The following TCF7L1 variants were observed in gnomAD, a reference collection of about 807,000 sequenced individuals.
TCF7L1 encodes the protein transcription factor 7-like 1.
TCF7L1 carries 18 observed loss-of-function variants against 63.7 expected under a neutral mutation model. That is an observed-to-expected ratio of 0.28 (90% CI 0.20 to 0.42). The LOEUF (loss-of-function observed/expected upper bound fraction) is 0.42. TCF7L1 is among the 10% of genes least tolerant of loss of function. The pLI is 1.00. For missense variants in TCF7L1, 654 were observed against 779.3 expected (o/e 0.84, Z 1.91); for synonymous variants, 355 against 340.9 (o/e 1.04, Z -0.46).
chr2:85,134,196 T>C lies in TCF7L1; in HGVS notation c.313+117T>C. 2.7e-6 allele frequency: 4 copies of C among 1,493,838 alleles called. No homozygotes were observed. The highest frequency in any genetic ancestry group is 2.7e-6 in the Non-Finnish European group (3 of 1,118,250). The allele number at this position is 1,493,838 out of a possible 1,614,324, so 92.5% of individuals were successfully genotyped here. A position where few individuals can be genotyped will look rare whatever the true frequency, so the allele number is the denominator to read the frequency against. Reference sequence around the variant, plus strand: ...GACGCACCCTTGCCCTCCGCCTTTATTGGCGGCAGCCCCCGTGGGGCGCGC... The same window carrying C: ...GACGCACCCTTGCCCTCCGCCTTTACTGGCGGCAGCCCCCGTGGGGCGCGC... On this transcript the variant is annotated intron_variant, in intron 2 of 11. Coordinates refer to ENST00000282111, the MANE Select transcript of TCF7L1 (RefSeq NM_031283.3). This position sits in a 1 kb window ranked among gnomAD's most constrained non-coding sequence, Gnocchi z 5.0.
intron 3 of TCF7L1, among the ~76,000 whole-genome samples, chr2:85,166,494 T>G (rs1012236169): frequency 6.6e-6 from 1 of 152,204 alleles, no homozygotes; most frequent in African/African-American, 2.4e-5. Flanking sequence ...ATGCCCTGAC[T>G]AGACCTGGGT....
In TCF7L1 at chr2:85,133,718, G is replaced by A. The variant is rs534725385; in HGVS notation, c.34G>A (p.Gly12Ser). ...PQLGGGGGGG[G>S]GGSGGGGGSS... ...GCTCGGCGGCGGGGGCGGCGGCGGC[G>A]GCGGCGGCAGCGGGGGAGGCGGCGG... Residue 12 changes from glycine (G) to serine (S), a missense_variant, in exon 1 of 12, where the codon GGC becomes AGC. Gly to Ser is a moderately conservative substitution (Grantham distance 56). This residue lies in a region of TCF7L1 where 404 missense variants were observed against 454.8 expected (regional missense o/e 0.89). Coordinates refer to ENST00000282111, the MANE Select transcript of TCF7L1 (RefSeq NM_031283.3). This position sits in a 1 kb window ranked among gnomAD's most constrained non-coding sequence, Gnocchi z 4.4. 7.9e-3 allele frequency: 9,143 copies of A among 1,154,898 alleles called. 94 individuals carry two copies. Among genetic ancestry groups the A allele is most frequent in the Non-Finnish European group, 7.6e-3 (7,163 of 939,650 alleles). 71.5% of individuals were successfully genotyped at this position (1,154,898 alleles called of 1,614,324 possible).
chr2:85,306,467 C>T lies in TCF7L1; in HGVS notation c.1165C>T (p.Arg389Ter). 1 of 1,614,132 alleles carries T rather than the reference C, an allele frequency of 6.2e-7. No individual in the cohort carries two copies. Among genetic ancestry groups the T allele is most frequent in the Non-Finnish European group, 8.5e-7 (1 of 1,180,030 alleles). ...ILGRKWHNLS[R>*]EEQAKYYELA... ...TCTCCCCCAGTGGCACAACCTGTCT[C>T]GAGAAGAACAGGCCAAGTACTACGA... is the stretch of plus-strand genomic sequence containing the variant. Residue 389 changes from arginine to a stop codon, truncating the protein, a stop_gained, in exon 10 of 12, where the codon CGA becomes TGA. Coordinates refer to ENST00000282111, the MANE Select transcript of TCF7L1 (RefSeq NM_031283.3). LOFTEE classifies it high-confidence loss of function. The surrounding 1 kb of genome is among the most constrained non-coding windows in gnomAD (Gnocchi z 4.3).
chr2:85,234,960 TC>T (rs1680161860), intron 3 of TCF7L1, among the ~76,000 whole-genome samples: 1 of 152,130 alleles, frequency 6.6e-6, no homozygotes, highest in African/African-American at 2.4e-5. Flanking sequence ...TCTGGATAAT[TC>T]CCCAACTACC....
At chr2:85,175,653 T>C (rs1245747727) in intron 3 of TCF7L1, among the ~76,000 whole-genome samples, 2 of 152,260 alleles carry the variant, frequency 1.3e-5, no homozygotes, top group African/African-American at 4.8e-5. Flanking sequence ...TTGAATTTTT[T>C]CACTGTCGCT....
At position 85,307,722 on chromosome 2, in the gene TCF7L1, GTCTCGGGGCACTGGCC is replaced by G; in HGVS notation, c.1333+9_1333+24del. 6.2e-7 allele frequency: 1 copy of G among 1,612,934 alleles called. No homozygotes were observed. Among genetic ancestry groups the G allele is most frequent in the Non-Finnish European group, 8.5e-7 (1 of 1,179,604 alleles). On this transcript the variant is annotated splice_donor_region_variant and intron_variant, in intron 11 of 11. Transcript: ENST00000282111. ...AGCAAGTCCAGGAGGCAGAGGGTGC[GTCTCGGGGCACTGGCC>G]TCTTCTCCTGCTTTTCCTTTTGTCA...
intron 4 of TCF7L1, among the ~76,000 whole-genome samples, chr2:85,288,579 G>A (rs907662845): frequency 3.3e-5 from 5 of 152,182 alleles, no homozygotes; most frequent in East Asian, 1.9e-4. Context: ...TAGAGCAAGC[G>A]AAGGAAACAG....
At chr2:85,214,734 A>G (rs988546378) in intron 3 of TCF7L1, among the ~76,000 whole-genome samples, 2 of 152,186 alleles carry the variant, frequency 1.3e-5, no homozygotes, top group African/African-American at 4.8e-5. Flanking sequence ...AATCGCTCTG[A>G]ACCTATTCTG....
chr2:85,286,774 C>T (rs971149817), intron 4 of TCF7L1, among the ~76,000 whole-genome samples: 5 of 152,136 alleles, frequency 3.3e-5, no homozygotes, highest in African/African-American at 1.2e-4. Flanking sequence ...GGATTACAGG[C>T]GTGAGCCACT....
chr2:85,301,466 G>A (rs1681971564), intron 4 of TCF7L1, among the ~76,000 whole-genome samples: 1 of 152,236 alleles, frequency 6.6e-6, no homozygotes. Flanking sequence ...GGATAAGTCA[G>A]ATTAGGTTTA....
intron 3 of TCF7L1, among the ~76,000 whole-genome samples, chr2:85,278,352 G>A (rs956607188): frequency 6.6e-6 from 1 of 152,216 alleles, no homozygotes; most frequent in Non-Finnish European, 1.5e-5. Flanking sequence ...ACTCGATAAA[G>A]ATGTCACCCA....
rs569630785 is a variant in TCF7L1, at chr2:85,152,876, A to G, written c.441+18426A>G. ...ATGCTTATATTTTACTCTTTCAACA[A>G]AAAATAAGCATATATATATTTCTAC... On this transcript the variant is annotated intron_variant, in intron 3 of 11. Coordinates refer to ENST00000282111, the MANE Select transcript of TCF7L1 (RefSeq NM_031283.3). Among the ~76,000 whole-genome samples the G allele has an allele frequency of 4.6e-5, 7 of 152,358 alleles. No individual in the cohort carries two copies. In the South Asian group the frequency reaches 1.4e-3, roughly 32 times the overall value.
At chr2:85,200,115 G>A (rs185175370) in intron 3 of TCF7L1, among the ~76,000 whole-genome samples, 2 of 152,104 alleles carry the variant, frequency 1.3e-5, no homozygotes, top group Admixed American at 6.5e-5. Flanking sequence ...ATATCCCATC[G>A]TGTGGATATC....
chr2:85,244,269 T>C (rs1437801625), intron 3 of TCF7L1, among the ~76,000 whole-genome samples: 1 of 152,044 alleles, frequency 6.6e-6, no homozygotes, highest in East Asian at 1.9e-4. Flanking sequence ...TTGACTGAGA[T>C]GGGGAGTAGA....
At chr2:85,213,300 A>G (rs372857781) in intron 3 of TCF7L1, among the ~76,000 whole-genome samples, 89 of 152,300 alleles carry the variant, frequency 5.8e-4, no homozygotes, top group African/African-American at 2.1e-3. Flanking sequence ...TGAATTTTCT[A>G]GTGGTTCTTA....
intron 3 of TCF7L1, among the ~76,000 whole-genome samples, chr2:85,237,665 G>A (rs565300336): frequency 1.6e-4 from 24 of 150,538 alleles, no homozygotes; most frequent in Admixed American, 1.3e-3. Flanking sequence ...TGGGCTTGGA[G>A]AGTGGAGAAG....
At chr2:85,204,214 A>G (rs1397252990) in intron 3 of TCF7L1, among the ~76,000 whole-genome samples, 1 of 150,340 alleles carries the variant, frequency 6.7e-6, no homozygotes, top group Non-Finnish European at 1.5e-5. Flanking sequence ...GAATATATAC[A>G]TATACAACTA....
chr2:85,303,898 TC>T lies in TCF7L1; in HGVS notation c.667del (p.Arg223GlyfsTer54). 1.2e-6 allele frequency: 2 copies of T among 1,609,164 alleles called. No individual in the cohort carries two copies. Among genetic ancestry groups the T allele is most frequent in the Admixed American group, 1.7e-5 (1 of 59,500 alleles). ...LSPEIDPKTG[I>X]PRPPHPSELS... ...ACATATCTCTCTTTGGAAGCAGGAA[TC>T]CCCCGGCCCCCTCACCCATCCGAGC... On this transcript the variant is annotated frameshift_variant, in exon 6 of 12. Coordinates refer to ENST00000282111, the MANE Select transcript of TCF7L1 (RefSeq NM_031283.3). LOFTEE classifies it high-confidence loss of function.
Position 85,306,057 on chromosome 2 carries a change from T to G in TCF7L1, c.990-149T>G. 1 of 784,580 alleles carries G rather than the reference T, an allele frequency of 1.3e-6. No individual in the cohort carries two copies. Among genetic ancestry groups the G allele is most frequent in the Non-Finnish European group, 2.1e-6 (1 of 485,082 alleles). 48.6% of individuals were successfully genotyped at this position (784,580 alleles called of 1,614,324 possible). On this transcript the variant is annotated intron_variant, in intron 8 of 11. Transcript: ENST00000282111. This position sits in a 1 kb window ranked among gnomAD's most constrained non-coding sequence, Gnocchi z 4.3. The stretch of plus-strand genomic sequence containing the variant: ...AAACTACGGGAGGAAGGTACTCAGG[T>G]GTTGAGTGCAGCCATGGGGCCACTT...
Sources: gnomAD v4.1 joint callset for allele counts (sites outside exome capture counted in the v4.1 genomes callset) on GRCh38, gnomAD v4.1.1 for gene constraint, gnomAD v4.1.1 regional missense constraint, Gnocchi (gnomAD v3.1) non-coding constraint, MANE v1.5 for transcripts, NCBI Gene and HGNC (gene_info 2026-07-23, HGNC 2026-07-21) for gene names.